KCNQ3: variants seen among roughly 807,000 people sequenced by gnomAD.
KCNQ3 encodes potassium voltage-gated channel subfamily Q member 3.
KCNQ3 carries 30 observed loss-of-function variants against 92.5 expected under a neutral mutation model. That is an observed-to-expected ratio of 0.32 (90% CI 0.24 to 0.44). The LOEUF is 0.44. Ranked by LOEUF, KCNQ3 falls within the 20% of genes least tolerant of loss-of-function variation. KCNQ3 has a pLI of 1.00. For synonymous variants in KCNQ3, 450 were observed against 468.8 expected, an observed-to-expected ratio of 0.96 and a Z score of 0.52; for missense variants, 913 against 1,140.3, an observed-to-expected ratio of 0.80 and a Z score of 2.87.
chr8:132,452,982 G>T (rs1045719119), intron 1 of KCNQ3, among the ~76,000 whole-genome samples: 2 of 149,998 alleles, frequency 1.3e-5, no homozygotes, highest in African/African-American at 4.9e-5. Flanking sequence ...CTCATGACAG[G>T]GTGCTTGGAA....
chr8:132,422,062 C>A (rs566962321), intron 1 of KCNQ3, among the ~76,000 whole-genome samples: 1 of 152,280 alleles, frequency 6.6e-6, no homozygotes, highest in East Asian at 1.9e-4. Flanking sequence ...GATGCCTGGT[C>A]AGTGCCTCCA....
chr8:132,167,216 G>A (rs185222337), intron 8 of KCNQ3, among the ~76,000 whole-genome samples: 119 of 152,268 alleles, frequency 7.8e-4, no homozygotes, highest in Admixed American at 2.1e-3. Flanking sequence ...ACTATGAAAC[G>A]TTCAGGATAG....
At chr8:132,271,346 A>G (rs1164626229) in intron 1 of KCNQ3, among the ~76,000 whole-genome samples, 1 of 152,254 alleles carries the variant, frequency 6.6e-6, no homozygotes, top group Admixed American at 6.5e-5. Context: ...GGCCAAAATG[A>G]AAGCTGCCAT....
intron 1 of KCNQ3, among the ~76,000 whole-genome samples, chr8:132,217,893 G>A (rs1814094065): frequency 6.6e-6 from 1 of 152,096 alleles, no homozygotes. Context: ...TTTAAAAGCA[G>A]CCCATTAAGT....
chr8:132,206,564 C>T (rs961315596), intron 1 of KCNQ3, among the ~76,000 whole-genome samples: 4 of 152,140 alleles, frequency 2.6e-5, no homozygotes, highest in African/African-American at 9.7e-5. Flanking sequence ...ATGTGATAGT[C>T]CACATTTTAT....
chr8:132,132,717 A>C (rs1320512078), intron 13 of KCNQ3, among the ~76,000 whole-genome samples: 1 of 152,210 alleles, frequency 6.6e-6, no homozygotes, highest in Non-Finnish European at 1.5e-5. Context: ...TCATCTGGCC[A>C]ATTTTAATAA....
chr8:132,142,102 C>T (rs990241337), intron 9 of KCNQ3, among the ~76,000 whole-genome samples: 5 of 152,130 alleles, frequency 3.3e-5, no homozygotes, highest in African/African-American at 1.2e-4. Flanking sequence ...GACTACATCT[C>T]AAAATTTTAA....
intron 1 of KCNQ3, among the ~76,000 whole-genome samples, chr8:132,446,185 T>G (rs1488785772): frequency 1.3e-5 from 2 of 152,222 alleles, no homozygotes; most frequent in Non-Finnish European, 2.9e-5. Flanking sequence ...CTAACGGCCC[T>G]GCAGTGGCTT....
At chr8:132,252,464 C>CA (rs1300801565) in intron 1 of KCNQ3, among the ~76,000 whole-genome samples, 5 of 152,146 alleles carry the variant, frequency 3.3e-5, no homozygotes, top group African/African-American at 1.2e-4. Flanking sequence ...CAGACCCTCG[C>CA]AGTGAGTGTT....
intron 1 of KCNQ3, among the ~76,000 whole-genome samples, chr8:132,397,569 A>G (rs935875100): frequency 1.3e-5 from 2 of 152,214 alleles, no homozygotes; most frequent in African/African-American, 4.8e-5. Context: ...TCTTCTGATC[A>G]TGATCCTTAG....
In KCNQ3 at chr8:132,217,710, C is replaced by CAAAA. The variant is rs1170925572; in HGVS notation, c.387-31533_387-31530dup. ...TGGGCGACAGAGTGAGGCTCTGTCTCAAAAAAAAAAAAAAAAAAAACAAAA... is the reference window on the plus strand; with the variant it reads ...TGGGCGACAGAGTGAGGCTCTGTCTCAAAAAAAAAAAAAAAAAAAAAAAACAAAA... On this transcript the variant is annotated intron_variant, in intron 1 of 14. Transcript: ENST00000388996. Among the ~76,000 whole-genome samples the CAAAA allele has an allele frequency of 5.3e-3, 350 of 66,248 alleles. 4 individuals are homozygous for CAAAA. Among genetic ancestry groups the CAAAA allele is most frequent in the African/African-American group, 0.017 (283 of 16,848 alleles). The allele number at this position is 66,248 out of a possible 152,430, so 43.5% of individuals were successfully genotyped here. A position where few individuals can be genotyped will look rare whatever the true frequency, so the allele number is the denominator to read the frequency against.
intron 1 of KCNQ3, among the ~76,000 whole-genome samples, chr8:132,242,081 G>T (rs1231250860): frequency 6.6e-6 from 1 of 152,192 alleles, no homozygotes; most frequent in South Asian, 2.1e-4. Flanking sequence ...AGTAAATTTA[G>T]CTCATTCTTT....
At chr8:132,465,725 C>T (rs976281975) in intron 1 of KCNQ3, among the ~76,000 whole-genome samples, 2 of 152,048 alleles carry the variant, frequency 1.3e-5, no homozygotes, top group Non-Finnish European at 2.9e-5. Flanking sequence ...GCCTGGGCAA[C>T]AGAGCGAAAC....
At chr8:132,464,689 G>T (rs532744469) in intron 1 of KCNQ3, among the ~76,000 whole-genome samples, 2 of 152,312 alleles carry the variant, frequency 1.3e-5, no homozygotes, top group South Asian at 4.1e-4. Context: ...AAATGTACTT[G>T]ATGGAAATCT....
chr8:132,185,596 C>T (rs1372707535), intron 2 of KCNQ3, among the ~76,000 whole-genome samples: 2 of 152,232 alleles, frequency 1.3e-5, no homozygotes, highest in Non-Finnish European at 2.9e-5. Flanking sequence ...GTTTCCATCA[C>T]ACCACCTGAT....
In KCNQ3 at chr8:132,137,814, C is replaced by T; in HGVS notation, c.1700+71G>A. 2.6e-6 allele frequency: 4 copies of T among 1,546,542 alleles called. No homozygotes were observed. In the South Asian group the frequency reaches 4.5e-5, roughly 17 times the overall value. On this transcript the variant is annotated intron_variant, in intron 12 of 14. Transcript: ENST00000388996. The stretch of plus-strand genomic sequence containing the variant: ...TGCATTTTGAATTATTTCTGAATAC[C>T]TCTCACCTTAAACTCTAAGGTTCAT...
chr8:132,162,715 G>A (rs1826027444), intron 9 of KCNQ3, among the ~76,000 whole-genome samples: 1 of 152,212 alleles, frequency 6.6e-6, no homozygotes, highest in Admixed American at 6.5e-5. Flanking sequence ...GGGATTTTGT[G>A]TGGATAGGGC....
At chr8:132,452,618 C>T (rs1407773631) in intron 1 of KCNQ3, among the ~76,000 whole-genome samples, 1 of 152,268 alleles carries the variant, frequency 6.6e-6, no homozygotes, top group South Asian at 2.1e-4. Flanking sequence ...CCAAGGGAAC[C>T]ACAGAAGAGT....
At position 132,180,319 on chromosome 8, in the gene KCNQ3, C is replaced by T. The variant is rs555846991; in HGVS notation, c.615G>A (p.Val205=). The change falls in exon 4 of 15, where the codon GTG becomes GTA. Residue 205 remains valine, a synonymous_variant. Coordinates refer to ENST00000388996, the MANE Select transcript of KCNQ3 (RefSeq NM_004519.4). ...RKPLCMLDIF[V]LIASVPVVAV... ...CAACCACTGGCACAGAGGCAATCAG[C>T]ACAAAGATGTCTGGGAGAGAGGACA... is the stretch of plus-strand genomic sequence containing the variant. The T allele has an allele frequency of 3.7e-6, 6 of 1,614,024 alleles. No individual in the cohort carries two copies. The highest frequency in any genetic ancestry group is 2.2e-5 in the East Asian group (1 of 44,876).
Sources: allele counts gnomAD v4.1 joint callset (sites outside exome capture counted in the v4.1 genomes callset), GRCh38; gene constraint gnomAD v4.1.1; transcripts MANE v1.5; gene names NCBI Gene and HGNC (gene_info 2026-07-23, HGNC 2026-07-21).